The following PRAG1 variants were observed in gnomAD, a reference collection of about 807,000 sequenced individuals.
The protein encoded by PRAG1 is PEAK1 related, kinase-activating pseudokinase 1.
PRAG1 carries 110 observed loss-of-function variants against 95.6 expected under a neutral mutation model. The observed-to-expected ratio is 1.15, with a 90% confidence interval of 0.99 to 1.35. The LOEUF is 1.35. PRAG1 is among the 40% of genes most tolerant of loss of function. PRAG1 has a pLI of 0.00. For missense variants in PRAG1, 2,554 were observed against 1,864.7 expected (o/e 1.37, Z -6.81); for synonymous variants, 1,052 against 819.4 (o/e 1.28, Z -4.85).
Position 8,377,203 on chromosome 8 carries a change from G to A in PRAG1, c.1206C>T (p.His402=), listed in dbSNP as rs1800440440. 6.2e-7 allele frequency: 1 copy of A among 1,611,794 alleles called. No individual in the cohort carries two copies. The highest frequency in any genetic ancestry group is 8.5e-7 in the Non-Finnish European group (1 of 1,179,774). ...GTTCAGGCTGTGTAGCCTCCCGGGG[G>A]TGGGCCGGGGGCTGGGGCTCCCCCG... ...GLTGEPQPPA[H]PREATQPEPI... Residue 402 remains histidine (H), a synonymous_variant, in exon 3 of 6, where the codon CAC becomes CAT. Transcript: ENST00000615670.
rs1798334769 is a variant in PRAG1, at chr8:8,318,122, A to T, written c.*32T>A. 6.3e-7 allele frequency: 1 copy of T among 1,576,998 alleles called. No homozygotes were observed. Among genetic ancestry groups the T allele is most frequent in the African/African-American group, 1.3e-5 (1 of 74,130 alleles). On this transcript the variant is annotated 3_prime_UTR_variant, in exon 6 of 6. Coordinates refer to ENST00000615670, the MANE Select transcript of PRAG1 (RefSeq NM_001080826.3). This position sits in a 1 kb window ranked among gnomAD's most constrained non-coding sequence, Gnocchi z 4.2. ...GAGACAGGAAAGGGTTAGGCAGGGA[A>T]GGGGCAGCGACGGTGCAGGCTGGGG...
rs377133690 is a variant in PRAG1, at chr8:8,377,910, G to A, written c.499C>T (p.Leu167Phe). 6.2e-7 allele frequency: 1 copy of A among 1,614,108 alleles called. No individual in the cohort carries two copies. Among genetic ancestry groups the A allele is most frequent in the Non-Finnish European group, 8.5e-7 (1 of 1,180,034 alleles). The change falls in exon 3 of 6, where the codon CTT (leucine) becomes TTT (phenylalanine). Residue 167 changes from leucine (L) to phenylalanine (F), a missense_variant. Coordinates refer to ENST00000615670, the MANE Select transcript of PRAG1 (RefSeq NM_001080826.3). ...PAYTMVGLHNLEPRGERNIAF... is the reference protein window; with the variant it reads ...PAYTMVGLHNFEPRGERNIAF... ...ATGTTCCTCTCGCCGCGGGGCTCAA[G>A]GTTGTGCAGGCCGACCATGGTGTAA...
rs1422790801 is a variant in PRAG1, at chr8:8,339,497, A to G, written c.2301T>C (p.Ser767=). ...TGTTACCTCCATCGCTGCAGGTCCT[A>G]GAGTCTGAGGCCAGGCTGTCCGTGG... ...TGSTDSLASD[S]RTCSDGGPSS... The change falls in exon 4 of 6, where the codon TCT becomes TCC. Residue 767 remains serine, a synonymous_variant. Transcript: ENST00000615670. 1 of 1,614,130 alleles carries G rather than the reference A, an allele frequency of 6.2e-7. No individual in the cohort carries two copies. Among genetic ancestry groups the G allele is most frequent in the African/African-American group, 1.3e-5 (1 of 75,036 alleles).
chr8:8,358,900 T>C (rs1312890653), intron 3 of PRAG1, among the ~76,000 whole-genome samples: 1 of 152,184 alleles, frequency 6.6e-6, no homozygotes, highest in African/African-American at 2.4e-5. Context: ...GGAAGTTGCT[T>C]ACATAAAGGC....
intron 3 of PRAG1, among the ~76,000 whole-genome samples, chr8:8,343,631 T>C (rs571615297): frequency 6.6e-6 from 1 of 152,352 alleles, no homozygotes; most frequent in East Asian, 1.9e-4. Context: ...TAAAAATTAC[T>C]GCTCTAGAAT....
intron 3 of PRAG1, among the ~76,000 whole-genome samples, chr8:8,373,165 C>A (rs1585272207): frequency 1.3e-5 from 2 of 152,262 alleles, no homozygotes; most frequent in African/African-American, 4.8e-5. Context: ...CAACTGCTGG[C>A]TGCATTCTCA....
intron 3 of PRAG1, among the ~76,000 whole-genome samples, chr8:8,356,017 A>C (rs551530257): frequency 2.0e-4 from 31 of 152,348 alleles, no homozygotes; most frequent in African/African-American, 6.7e-4. Flanking sequence ...ATGTTTGCAA[A>C]CCACGTGTCT....
At chr8:8,368,536 C>T (rs1800085546) in intron 3 of PRAG1, among the ~76,000 whole-genome samples, 1 of 152,008 alleles carries the variant, frequency 6.6e-6, no homozygotes, top group African/African-American at 2.4e-5. Context: ...GTCTATCAAC[C>T]CTGATAGAAG....
At position 8,336,494 on chromosome 8, in the gene PRAG1, C is replaced by G. The variant is rs1798987842; in HGVS notation, c.2320+2984G>C. ...ACAAATTTTCCTTGCACTGAGTTGACTGGCTGTTCAATTGAATTGGACAAA... is the reference window on the plus strand; with the variant it reads ...ACAAATTTTCCTTGCACTGAGTTGAGTGGCTGTTCAATTGAATTGGACAAA... On this transcript the variant is annotated intron_variant, in intron 4 of 5. Coordinates refer to ENST00000615670, the MANE Select transcript of PRAG1 (RefSeq NM_001080826.3). Among the ~76,000 whole-genome samples the G allele has an allele frequency of 2.6e-5, 4 of 152,304 alleles. No individual in the cohort carries two copies. The South Asian group carries it at 8.3e-4, about 32-fold the overall frequency.
intron 3 of PRAG1, among the ~76,000 whole-genome samples, chr8:8,364,689 T>G (rs533751452): frequency 2.6e-4 from 39 of 152,072 alleles, no homozygotes; most frequent in African/African-American, 9.2e-4. Context: ...GTTTTCTCCA[T>G]ACAGTCAACA....
At chr8:8,349,834 G>A (rs992541714) in intron 3 of PRAG1, among the ~76,000 whole-genome samples, 1 of 151,976 alleles carries the variant, frequency 6.6e-6, no homozygotes, top group Admixed American at 6.6e-5. Context: ...CTCTTCTGGA[G>A]CTCTACAAGT....
chr8:8,372,867 G>A (rs1458230100), intron 3 of PRAG1, among the ~76,000 whole-genome samples: 6 of 152,116 alleles, frequency 3.9e-5, no homozygotes, highest in Admixed American at 2.6e-4. Flanking sequence ...ATCATTCCCC[G>A]TTCTTCCATA....
At position 8,339,557 on chromosome 8, in the gene PRAG1, G is replaced by C. The variant is rs1453058461; in HGVS notation, c.2241C>G (p.Ser747=). 1 of 1,614,194 alleles carries C rather than the reference G, an allele frequency of 6.2e-7. No individual in the cohort carries two copies. Among genetic ancestry groups the C allele is most frequent in the South Asian group, 1.1e-5 (1 of 91,080 alleles). ...TGAAGCTGACGTGGACACCCCTGAA[G>C]GATGGGCTGAGGCTTTCTGCAGAGC... The part of the protein sequence containing the change: ...SQGSAESLSP[S]FRGVHVSFTT... The change falls in exon 4 of 6, where the codon TCC becomes TCG. Residue 747 remains serine, a synonymous_variant. Coordinates refer to ENST00000615670, the MANE Select transcript of PRAG1 (RefSeq NM_001080826.3).
At chr8:8,378,141 G>A in intron 2 of PRAG1, 63 bp from the exon 3 acceptor site, 2 of 1,492,308 alleles carry the variant, frequency 1.3e-6, no homozygotes, top group Non-Finnish European at 8.9e-7. Context: ...AAGAGAGAGA[G>A]GAAAAGTGAG....
intron 3 of PRAG1, among the ~76,000 whole-genome samples, chr8:8,342,432 G>A (rs1307453160): frequency 1.3e-5 from 2 of 151,954 alleles, no homozygotes; most frequent in African/African-American, 4.8e-5. Flanking sequence ...CCCTGACCTC[G>A]TGATCTGCCC....
At chr8:8,324,059 C>G (rs944155658) in intron 5 of PRAG1, among the ~76,000 whole-genome samples, 1 of 152,202 alleles carries the variant, frequency 6.6e-6, no homozygotes, top group East Asian at 1.9e-4. Flanking sequence ...ATGATGCAGG[C>G]ATGGCTCTCA....
In PRAG1 at chr8:8,381,850, A is replaced by G; in HGVS notation, c.-87-16T>C. The G allele has an allele frequency of 2.3e-6, 2 of 888,334 alleles. No individual in the cohort carries two copies. The highest frequency in any genetic ancestry group is 5.4e-5 in the East Asian group (2 of 37,172). 55.0% of individuals were successfully genotyped at this position (888,334 alleles called of 1,614,324 possible). On this transcript the variant is annotated splice_polypyrimidine_tract_variant and intron_variant, in intron 1 of 5. Coordinates refer to ENST00000615670, the MANE Select transcript of PRAG1 (RefSeq NM_001080826.3). The stretch of plus-strand genomic sequence containing the variant: ...GAGCGGCTTCCTAGAAAGGCAGGAC[A>G]GTTTCCTGATTAGAGATTTGCCATG...
intron 3 of PRAG1, among the ~76,000 whole-genome samples, chr8:8,375,823 C>T (rs73184350): frequency 6.6e-6 from 1 of 152,140 alleles, no homozygotes; most frequent in African/African-American, 2.4e-5. Flanking sequence ...TCATACCCAG[C>T]CCTCCCTAAA....
At chr8:8,342,278 C>T (rs1341031056) in intron 3 of PRAG1, among the ~76,000 whole-genome samples, 7 of 150,122 alleles carry the variant, frequency 4.7e-5, no homozygotes, top group Admixed American at 1.3e-4. Context: ...ATGCAAGCTA[C>T]GCCTCCCGGG....
Sources: allele counts gnomAD v4.1 joint callset (sites outside exome capture counted in the v4.1 genomes callset), GRCh38; gene constraint gnomAD v4.1.1; non-coding constraint Gnocchi (gnomAD v3.1); transcripts MANE v1.5; gene names NCBI Gene and HGNC (gene_info 2026-07-23, HGNC 2026-07-21).